The following CSTPP1 variants were observed in gnomAD, a reference collection of about 807,000 sequenced individuals.
CSTPP1 encodes the protein centriolar satellite-associated tubulin polyglutamylase complex regulator 1.
the CSTPP1 span, among the ~76,000 whole-genome samples, chr11:47,001,728 C>T: frequency 6.6e-6 from 1 of 152,038 alleles, no homozygotes; most frequent in Admixed American, 6.5e-5. Context: ...TTCTTTCCTA[C>T]ATAATCTATA....
chr11:47,139,967 C>T, the CSTPP1 span, among the ~76,000 whole-genome samples: 1 of 152,072 alleles, frequency 6.6e-6, no homozygotes, highest in Non-Finnish European at 1.5e-5. Flanking sequence ...CTGCACTGCA[C>T]CAAGAATCAC....
chr11:46,962,535 T>G, the CSTPP1 span, among the ~76,000 whole-genome samples: 1 of 152,196 alleles, frequency 6.6e-6, no homozygotes, highest in Non-Finnish European at 1.5e-5. Context: ...AGTGTGCCAT[T>G]TAACAATATT....
chr11:47,002,532 CA>C, the CSTPP1 span, among the ~76,000 whole-genome samples: 1 of 152,120 alleles, frequency 6.6e-6, no homozygotes. Flanking sequence ...TTTCACAGCC[CA>C]CTGGTCCCTT....
chr11:47,139,951 C>T, the CSTPP1 span, among the ~76,000 whole-genome samples: 1 of 152,172 alleles, frequency 6.6e-6, no homozygotes, highest in Non-Finnish European at 1.5e-5. Flanking sequence ...AACAAAGCTG[C>T]ATTGGCTGCA....
At chr11:47,142,441 A>G in the CSTPP1 span, among the ~76,000 whole-genome samples, 5 of 152,020 alleles carry the variant, frequency 3.3e-5, no homozygotes, top group African/African-American at 1.2e-4. Context: ...TCTTGAGTGC[A>G]TATTTTGTGC....
chr11:47,037,834 C>T, the CSTPP1 span, among the ~76,000 whole-genome samples: 16 of 128,090 alleles, frequency 1.2e-4, 2 homozygotes, highest in East Asian at 3.4e-3. Flanking sequence ...CTTTTCCCCA[C>T]CCTTCCCCCC....
chr11:46,959,553 C>T, the CSTPP1 span, among the ~76,000 whole-genome samples: 2 of 152,074 alleles, frequency 1.3e-5, no homozygotes, highest in South Asian at 4.1e-4. Context: ...CTTATGTAGA[C>T]TTTTAACCCA....
chr11:47,108,508 T>TTTTTC, the CSTPP1 span, among the ~76,000 whole-genome samples: 1 of 152,150 alleles, frequency 6.6e-6, no homozygotes, highest in African/African-American at 2.4e-5. Context: ...CAGGCTTTTT[T>TTTTTC]TTTTCTTTTT....
chr11:47,042,502 G>A, the CSTPP1 span, among the ~76,000 whole-genome samples: 1 of 151,926 alleles, frequency 6.6e-6, no homozygotes, highest in African/African-American at 2.4e-5. Context: ...GAGTGAGTGA[G>A]AGTAAATGTA....
chr11:46,954,392 T>G, the CSTPP1 span, among the ~76,000 whole-genome samples: 9 of 152,076 alleles, frequency 5.9e-5, no homozygotes, highest in South Asian at 1.9e-3. Flanking sequence ...CTACTAAAAA[T>G]ACAAAATTTG....
At chr11:47,123,790 C>T in the CSTPP1 span, among the ~76,000 whole-genome samples, 1 of 152,170 alleles carries the variant, frequency 6.6e-6, no homozygotes, top group African/African-American at 2.4e-5. Context: ...CACCTGAGGT[C>T]AGGAATTCAA....
the CSTPP1 span, among the ~76,000 whole-genome samples, chr11:47,111,925 G>T: frequency 6.6e-6 from 1 of 152,118 alleles, no homozygotes; most frequent in African/African-American, 2.4e-5. Flanking sequence ...TGCTTATAGA[G>T]CTAAAAGGCC....
the CSTPP1 span, among the ~76,000 whole-genome samples, chr11:47,107,400 A>G: frequency 1.3e-5 from 2 of 152,286 alleles, no homozygotes; most frequent in Non-Finnish European, 2.9e-5. Flanking sequence ...CCTTTGTTAG[A>G]AACAGGATCT....
At chr11:47,026,388 T>A in the CSTPP1 span, among the ~76,000 whole-genome samples, 2 of 152,178 alleles carry the variant, frequency 1.3e-5, no homozygotes, top group African/African-American at 4.8e-5. Context: ...TTGAAAGAAC[T>A]GAAGGATCTT....
the CSTPP1 span, among the ~76,000 whole-genome samples, chr11:47,093,910 T>C: frequency 6.6e-6 from 1 of 152,168 alleles, no homozygotes; most frequent in South Asian, 2.1e-4. Context: ...TGAAACCAAA[T>C]GATGAAGAAC....
At chr11:47,047,345 A>G in the CSTPP1 span, among the ~76,000 whole-genome samples, 4 of 152,242 alleles carry the variant, frequency 2.6e-5, no homozygotes, top group Non-Finnish European at 2.9e-5. Context: ...AAAACTAGCT[A>G]TGAAGCCACA....
At chr11:46,997,979 G>T in the CSTPP1 span, among the ~76,000 whole-genome samples, 1 of 152,196 alleles carries the variant, frequency 6.6e-6, no homozygotes, top group African/African-American at 2.4e-5. Context: ...CTACTGGGAG[G>T]TGCTTACCAG....
the CSTPP1 span, among the ~76,000 whole-genome samples, chr11:46,938,813 T>G: frequency 7.1e-6 from 1 of 140,990 alleles, no homozygotes; most frequent in Non-Finnish European, 1.5e-5. Flanking sequence ...TGTCTGGCAC[T>G]GTCACTCAGG....
At chr11:47,077,309 C>T in the CSTPP1 span, among the ~76,000 whole-genome samples, 1 of 151,658 alleles carries the variant, frequency 6.6e-6, no homozygotes, top group Non-Finnish European at 1.5e-5. Flanking sequence ...AAGCGATTCT[C>T]CTGCCTCAGC....
Sources: allele counts gnomAD v4.1 joint callset (sites outside exome capture counted in the v4.1 genomes callset), GRCh38; gene constraint gnomAD v4.1.1; transcripts MANE v1.5; gene names NCBI Gene and HGNC (gene_info 2026-07-23, HGNC 2026-07-21).